DOCK3: variants seen among roughly 807,000 people sequenced by gnomAD.
DOCK3 encodes dedicator of cytokinesis 3, also known as dedicator of cytokinesis protein 3.
Under a neutral mutation model 265.6 loss-of-function variants are expected in DOCK3, and 60 were observed. The observed-to-expected ratio is 0.23, with a 90% CI of 0.18 to 0.28. The LOEUF (loss-of-function observed/expected upper bound fraction) is 0.28, where lower values mean the gene tolerates loss of function less well. Among genes scored for constraint, DOCK3 ranks in the 10% least tolerant of loss-of-function variants. The pLI, the probability that DOCK3 is intolerant of heterozygous loss-of-function variation, is 1.00. For synonymous variants in DOCK3, 881 were observed against 938.0 expected, an observed-to-expected ratio of 0.94 and a Z score of 1.11; for missense variants, 1,981 against 2,594.3, an observed-to-expected ratio of 0.76 and a Z score of 5.14.
chr3:51,001,114 T>C (rs976842768), intron 5 of DOCK3, among the ~76,000 whole-genome samples: 1 of 152,274 alleles, frequency 6.6e-6, no homozygotes, highest in African/African-American at 2.4e-5. Context: ...TGGTTAATTT[T>C]GTCTACTTGA....
intron 5 of DOCK3, among the ~76,000 whole-genome samples, chr3:50,971,319 G>T (rs2077226928): frequency 6.6e-6 from 1 of 151,480 alleles, no homozygotes; most frequent in South Asian, 2.1e-4. Context: ...TCTTATTTTT[G>T]AATTTACTTA....
intron 1 of DOCK3, among the ~76,000 whole-genome samples, chr3:50,732,668 C>G (rs934843988): frequency 2.0e-5 from 3 of 152,168 alleles, no homozygotes; most frequent in African/African-American, 2.4e-5. Flanking sequence ...ACCTCCGCCT[C>G]CCAAAGTGTT....
At chr3:51,080,871 C>A (rs965245561) in intron 7 of DOCK3, among the ~76,000 whole-genome samples, 1 of 151,402 alleles carries the variant, frequency 6.6e-6, no homozygotes, top group Non-Finnish European at 1.5e-5. Flanking sequence ...CAGTAAACCA[C>A]AGAAAACCTG....
At chr3:51,210,530 T>G (rs1204573551) in intron 13 of DOCK3, among the ~76,000 whole-genome samples, 2 of 152,244 alleles carry the variant, frequency 1.3e-5, no homozygotes, top group East Asian at 3.9e-4. Context: ...GCAAAATGAC[T>G]TAGTGGCTGA....
intron 5 of DOCK3, among the ~76,000 whole-genome samples, chr3:51,049,026 T>C (rs886744370): frequency 6.6e-6 from 1 of 152,184 alleles, no homozygotes; most frequent in African/African-American, 2.4e-5. Flanking sequence ...TGCTGTGTTT[T>C]GATTAAAAGG....
chr3:50,940,093 A>T (rs1411249345), intron 5 of DOCK3, among the ~76,000 whole-genome samples: 2 of 152,190 alleles, frequency 1.3e-5, no homozygotes, highest in Non-Finnish European at 2.9e-5. Flanking sequence ...ACACACATTC[A>T]TATTTCCACA....
At chr3:50,891,526 A>C (rs895786989) in intron 4 of DOCK3, among the ~76,000 whole-genome samples, 3 of 152,160 alleles carry the variant, frequency 2.0e-5, no homozygotes, top group Non-Finnish European at 4.4e-5. Flanking sequence ...AGTAAGGACT[A>C]TCAAAAGTAT....
At chr3:51,084,357 G>A (rs2082347701) in intron 7 of DOCK3, among the ~76,000 whole-genome samples, 1 of 151,824 alleles carries the variant, frequency 6.6e-6, no homozygotes, top group South Asian at 2.1e-4. Context: ...CACATATAAG[G>A]GAATCTCCAC....
chr3:50,881,108 G>A (rs1421096908), intron 3 of DOCK3, among the ~76,000 whole-genome samples: 1 of 152,114 alleles, frequency 6.6e-6, no homozygotes, highest in Non-Finnish European at 1.5e-5. Context: ...CAATAAACTA[G>A]GTATTGATGG....
At chr3:51,317,419 A>C (rs183972839) in intron 32 of DOCK3, among the ~76,000 whole-genome samples, 55 of 151,166 alleles carry the variant, frequency 3.6e-4, no homozygotes, top group Admixed American at 9.2e-4. Context: ...ATAATAATGT[A>C]TTGTACAAAA....
chr3:50,943,317 G>A (rs1470117675), intron 5 of DOCK3, among the ~76,000 whole-genome samples: 3 of 151,874 alleles, frequency 2.0e-5, no homozygotes, highest in African/African-American at 7.2e-5. Flanking sequence ...GTTTGCAGTA[G>A]CAAAAATAAA....
chr3:51,112,378 G>T (rs559851900), intron 9 of DOCK3, among the ~76,000 whole-genome samples: 1 of 152,232 alleles, frequency 6.6e-6, no homozygotes, highest in South Asian at 2.1e-4. Context: ...TAAAGTTCAA[G>T]AATAGGCAAA....
intron 9 of DOCK3, among the ~76,000 whole-genome samples, chr3:51,117,256 G>A (rs2083781694): frequency 6.6e-6 from 1 of 152,118 alleles, no homozygotes; most frequent in African/African-American, 2.4e-5. Flanking sequence ...TGTATGTGAT[G>A]GATTACATTT....
intron 5 of DOCK3, among the ~76,000 whole-genome samples, chr3:51,000,914 A>T (rs2078461953): frequency 6.6e-6 from 1 of 152,202 alleles, no homozygotes; most frequent in Non-Finnish European, 1.5e-5. Flanking sequence ...TGGCCTCCCA[A>T]AGTGCTGGGA....
intron 5 of DOCK3, among the ~76,000 whole-genome samples, chr3:50,935,011 C>G (rs1451082137): frequency 6.6e-6 from 1 of 152,158 alleles, no homozygotes; most frequent in Non-Finnish European, 1.5e-5. Context: ...TTTGGGGGCT[C>G]AAGGATCAAA....
At chr3:51,051,830 G>A (rs917993129) in intron 5 of DOCK3, among the ~76,000 whole-genome samples, 1 of 152,118 alleles carries the variant, frequency 6.6e-6, no homozygotes, top group African/African-American at 2.4e-5. Context: ...GAGGCAAAAT[G>A]GGAGCAGACA....
intron 5 of DOCK3, among the ~76,000 whole-genome samples, chr3:50,957,907 C>T (rs2108361851): frequency 2.0e-5 from 3 of 152,238 alleles, no homozygotes; most frequent in Middle Eastern, 6.8e-3. Flanking sequence ...TCCACAATTT[C>T]CCTAGTTTAT....
intron 1 of DOCK3, among the ~76,000 whole-genome samples, chr3:50,762,109 G>C (rs2040569688): frequency 6.6e-6 from 1 of 152,082 alleles, no homozygotes; most frequent in Admixed American, 6.6e-5. Flanking sequence ...CCTGTTGTGG[G>C]GTGGGGGCAG....
chr3:50,887,288 A>G (rs1421109763), intron 3 of DOCK3, among the ~76,000 whole-genome samples: 2 of 151,216 alleles, frequency 1.3e-5, no homozygotes, highest in Non-Finnish European at 2.9e-5. Flanking sequence ...TTCTGGACAC[A>G]TACACCCTCC....
Sources: gnomAD v4.1 joint callset for allele counts (sites outside exome capture counted in the v4.1 genomes callset) on GRCh38, gnomAD v4.1.1 for gene constraint, MANE v1.5 for transcripts, NCBI Gene and HGNC (gene_info 2026-07-23, HGNC 2026-07-21) for gene names.